The following SLC19A3 variants were observed in gnomAD, a reference collection of about 807,000 sequenced individuals.
SLC19A3 encodes the protein thiamine transporter 2.
SLC19A3 carries 31 observed loss-of-function variants against 40.2 expected under a neutral mutation model. The ratio of observed to expected loss-of-function variants is 0.77; its 90% CI spans 0.58 to 1.04. The LOEUF (loss-of-function observed/expected upper bound fraction) is 1.04. Ranked by LOEUF, SLC19A3 falls within the 50% of genes least tolerant of loss-of-function variation. The pLI is 0.00. For missense variants in SLC19A3, 592 were observed against 596.7 expected (o/e 0.99, Z 0.08); for synonymous variants, 212 against 227.5 (o/e 0.93, Z 0.61).
At chr2:227,709,868 A>G (rs1015662998) in intron 1 of SLC19A3, among the ~76,000 whole-genome samples, 1 of 152,102 alleles carries the variant, frequency 6.6e-6, no homozygotes, top group Non-Finnish European at 1.5e-5. Context: ...ATTATCTACA[A>G]TAGTGGTACC....
chr2:227,708,528 G>A lies in SLC19A3; in HGVS notation c.-2-6208C>T, dbSNP rs575790561. On this transcript the variant is annotated intron_variant, in intron 1 of 5. Coordinates refer to ENST00000644224, the MANE Select transcript of SLC19A3 (RefSeq NM_025243.4). ...GCGGGAGGATTGCTTGAGCCCAGGA[G>A]AGCCTGGCAACATAGTGAGACCCTG... Among the ~76,000 whole-genome samples, 7 of 151,994 alleles carry A rather than the reference G, an allele frequency of 4.6e-5. No individual in the cohort carries two copies. The East Asian group carries it at 1.4e-3, about 29-fold the overall frequency.
rs1476381162 is a variant in SLC19A3, at chr2:227,686,278, C to T, written c.*1119G>A. On this transcript the variant is annotated 3_prime_UTR_variant, in exon 6 of 6. Transcript: ENST00000644224. ...TTATTTCTAATACTTCTAGAAACCT[C>T]CTTTAAGTTTTCCTATTTTAGACAG... 1 of 331,454 alleles carries T rather than the reference C, an allele frequency of 3.0e-6. No homozygotes were observed. The highest frequency in any genetic ancestry group is 6.1e-6 in the Non-Finnish European group (1 of 163,622). The allele number at this position is 331,454 out of a possible 1,614,324, so 20.5% of individuals were successfully genotyped here.
chr2:227,688,816 C>G (rs572066549), intron 4 of SLC19A3, among the ~76,000 whole-genome samples: 1 of 152,046 alleles, frequency 6.6e-6, no homozygotes, highest in Admixed American at 6.6e-5. Context: ...GAAACATATA[C>G]GACCTTTTAG....
At chr2:227,716,063 G>A (rs1019903325) in intron 1 of SLC19A3, among the ~76,000 whole-genome samples, 6 of 152,020 alleles carry the variant, frequency 3.9e-5, no homozygotes, top group Non-Finnish European at 7.4e-5. Flanking sequence ...CTGATTAAAT[G>A]CACTGAGAGA....
At position 227,687,581 on chromosome 2, in the gene SLC19A3, AAAAC is replaced by A. The variant is rs1486353434; in HGVS notation, c.1315-12_1315-9del. On this transcript the variant is annotated splice_polypyrimidine_tract_variant and intron_variant, in intron 5 of 5. Coordinates refer to ENST00000644224, the MANE Select transcript of SLC19A3 (RefSeq NM_025243.4). ...GCTCCCATAAACTAAAAACTGGAGA[AAAAC>A]AAATAATTAGCCACATATAAAATAT... 1 of 1,613,038 alleles carries A rather than the reference AAAAC, an allele frequency of 6.2e-7. No homozygotes were observed. Among genetic ancestry groups the A allele is most frequent in the East Asian group, 2.2e-5 (1 of 44,872 alleles).
chr2:227,695,739 A>T, intron 4 of SLC19A3, 150 bp downstream of exon 4: 1 of 727,890 alleles, frequency 1.4e-6, no homozygotes. Context: ...TTAAATGAAA[A>T]GTTGGCTTAG....
intron 2 of SLC19A3, among the ~76,000 whole-genome samples, chr2:227,700,718 G>A (rs1031428848): frequency 5.3e-5 from 8 of 152,154 alleles, no homozygotes; most frequent in African/African-American, 1.9e-4. Flanking sequence ...GGGCAAATTT[G>A]CTAGGTTCCC....
intron 3 of SLC19A3, 131 bp from the exon 4 acceptor site, chr2:227,696,212 A>G: frequency 1.2e-6 from 1 of 823,060 alleles, no homozygotes; most frequent in Non-Finnish European, 2.0e-6. Flanking sequence ...AAATTGTGTG[A>G]TCGACCTGAA....
intron 4 of SLC19A3, among the ~76,000 whole-genome samples, chr2:227,692,646 A>G (rs1036239811): frequency 3.9e-5 from 6 of 152,236 alleles, no homozygotes; most frequent in Admixed American, 3.9e-4. Flanking sequence ...TTGGAACACG[A>G]CAAGGATGCC....
rs747550083 is a variant in SLC19A3, at chr2:227,698,962, G to T, written c.753C>A (p.Ser251Arg). The T allele has an allele frequency of 6.2e-7, 1 of 1,614,068 alleles. No homozygotes were observed. The highest frequency in any genetic ancestry group is 1.3e-5 in the African/African-American group (1 of 74,918). The change falls in exon 3 of 6, where the codon AGC (serine) becomes AGA (arginine). Residue 251 changes from serine to arginine, a missense_variant. By Grantham distance (110) the Ser-to-Arg change is moderately radical. Transcript: ENST00000644224. ...SGKLNKGQLN[S>R]LKPSNVTVDV... ...CCACAGTCACATTGCTTGGTTTCAG[G>T]CTGTTCAGCTGGCCCTTATTCAGCT...
chr2:227,699,571 A>G lies in SLC19A3; in HGVS notation c.151-7T>C, dbSNP rs768063997. The G allele has an allele frequency of 1.2e-6, 2 of 1,612,968 alleles. No individual in the cohort carries two copies. Among genetic ancestry groups the G allele is most frequent in the South Asian group, 1.1e-5 (1 of 91,064 alleles). On this transcript the variant is annotated splice_region_variant and splice_polypyrimidine_tract_variant and intron_variant, in intron 2 of 5. Coordinates refer to ENST00000644224, the MANE Select transcript of SLC19A3 (RefSeq NM_025243.4). ...GGAAGATCTCATTTGTTATCTGCAA[A>G]GTTGGTAAATTGCATGACCACGAAG...
In SLC19A3 at chr2:227,686,169, C is replaced by T; in HGVS notation, c.*1228G>A. ...CCAAGATCACGCCATTGCATTCCAGCCTGGGTGAGAGAGCGAGACTGTCTC... is the reference window on the plus strand; with the variant it reads ...CCAAGATCACGCCATTGCATTCCAGTCTGGGTGAGAGAGCGAGACTGTCTC... On this transcript the variant is annotated 3_prime_UTR_variant, in exon 6 of 6. Transcript: ENST00000644224. 1 of 445,046 alleles carries T rather than the reference C, an allele frequency of 2.2e-6. No individual in the cohort carries two copies. Among genetic ancestry groups the T allele is most frequent in the Non-Finnish European group, 4.5e-6 (1 of 220,936 alleles). 27.6% of individuals were successfully genotyped at this position (445,046 alleles called of 1,614,324 possible).
intron 4 of SLC19A3, among the ~76,000 whole-genome samples, chr2:227,691,772 T>C (rs1267772319): frequency 1.3e-5 from 2 of 151,666 alleles, no homozygotes; most frequent in African/African-American, 2.4e-5. Flanking sequence ...AAGAAAACAA[T>C]ACAAAATGTC....
At chr2:227,709,566 A>G (rs1696069894) in intron 1 of SLC19A3, among the ~76,000 whole-genome samples, 1 of 152,128 alleles carries the variant, frequency 6.6e-6, no homozygotes, top group Non-Finnish European at 1.5e-5. Context: ...TAGCTAAGGT[A>G]AAGCCTTATT....
In SLC19A3 at chr2:227,686,895, A is replaced by G. The variant is rs914609965; in HGVS notation, c.*502T>C. ...ACAAACATTGTAATTCTCTTAGAGA[A>G]CTGTAACTTAAACAGAAATACACTT... On this transcript the variant is annotated 3_prime_UTR_variant, in exon 6 of 6. Coordinates refer to ENST00000644224, the MANE Select transcript of SLC19A3 (RefSeq NM_025243.4). The G allele has an allele frequency of 6.5e-6, 1 of 152,906 alleles. No individual in the cohort carries two copies. The highest frequency in any genetic ancestry group is 1.5e-5 in the Non-Finnish European group (1 of 68,484). The allele number at this position is 152,906 out of a possible 1,614,324, so 9.5% of individuals were successfully genotyped here. A position where few individuals can be genotyped will look rare whatever the true frequency, so the allele number is the denominator to read the frequency against.
Position 227,718,022 on chromosome 2 carries a change from C to T in SLC19A3, c.-82G>A. On this transcript the variant is annotated 5_prime_UTR_variant, in exon 1 of 6. Coordinates refer to ENST00000644224, the MANE Select transcript of SLC19A3 (RefSeq NM_025243.4). The stretch of plus-strand genomic sequence containing the variant: ...CCCGCGGCTGTCGGATGGATCCAGG[C>T]GCTCTTGGTGGGAAGGGGGCGGAGC... 5.1e-6 allele frequency: 5 copies of T among 985,172 alleles called. No homozygotes were observed. The highest frequency in any genetic ancestry group is 6.0e-6 in the Non-Finnish European group (5 of 829,692). The allele number at this position is 985,172 out of a possible 1,614,324, so 61.0% of individuals were successfully genotyped here. A position where few individuals can be genotyped will look rare whatever the true frequency, so the allele number is the denominator to read the frequency against.
chr2:227,714,045 A>G (rs982667206), intron 1 of SLC19A3, among the ~76,000 whole-genome samples: 11 of 152,182 alleles, frequency 7.2e-5, no homozygotes, highest in Non-Finnish European at 1.5e-4. Flanking sequence ...GAAATATCCT[A>G]TATCTTGATG....
At chr2:227,713,371 C>T (rs1696207467) in intron 1 of SLC19A3, among the ~76,000 whole-genome samples, 1 of 143,294 alleles carries the variant, frequency 7.0e-6, no homozygotes, top group Admixed American at 7.2e-5. Flanking sequence ...CATTGCATTC[C>T]AGGTTGGGCT....
At chr2:227,704,785 C>CA (rs1433795434) in intron 1 of SLC19A3, among the ~76,000 whole-genome samples, 1 of 152,016 alleles carries the variant, frequency 6.6e-6, no homozygotes, top group Admixed American at 6.6e-5. Context: ...GATCTTGTCT[C>CA]AAAAATAAAA....
Sources: allele counts gnomAD v4.1 joint callset (sites outside exome capture counted in the v4.1 genomes callset), GRCh38; gene constraint gnomAD v4.1.1; transcripts MANE v1.5; gene names NCBI Gene and HGNC (gene_info 2026-07-23, HGNC 2026-07-21).